Variants in C17orf107 observed in about 807,000 individuals in gnomAD.
The protein encoded by C17orf107 is chromosome 17 open reading frame 107.
Under a neutral mutation model 8.9 loss-of-function variants are expected in C17orf107, and 9 were observed. The observed-to-expected ratio is 1.02, with a 90% CI of 0.61 to 1.77. The LOEUF is 1.77. Ranked by LOEUF, C17orf107 falls within the 40% of genes most tolerant of loss-of-function variation. The pLI is 0.00. For synonymous variants in C17orf107, 139 were observed against 120.3 expected (o/e 1.16, Z -1.02); for missense variants, 281 against 249.0 (o/e 1.13, Z -0.86).
At position 4,901,841 on chromosome 17, in the gene C17orf107, C is replaced by G; in HGVS notation, c.*1308C>G. 1.9e-6 allele frequency: 3 copies of G among 1,576,836 alleles called. No individual in the cohort carries two copies. Among genetic ancestry groups the G allele is most frequent in the Non-Finnish European group, 2.6e-6 (3 of 1,152,538 alleles). On this transcript the variant is annotated 3_prime_UTR_variant, in exon 3 of 3. Transcript: ENST00000381365. ...CTGGCTCCGCCTCCAGCGCGAAGCCCCGCCCCGAGGGCGGTGCTTCCCGGT... is the reference window on the plus strand; with the variant it reads ...CTGGCTCCGCCTCCAGCGCGAAGCCGCGCCCCGAGGGCGGTGCTTCCCGGT...
At position 4,901,202 on chromosome 17, in the gene C17orf107, G is replaced by A. The variant is rs767412498; in HGVS notation, c.*669G>A. ...CCACTCGCCGTTCTCTGCGGGACGG[G>A]GGCACGGTCAGCTGGCTGTCAGAGC... On this transcript the variant is annotated 3_prime_UTR_variant, in exon 3 of 3. Transcript: ENST00000381365. 5 of 1,599,278 alleles carry A rather than the reference G, an allele frequency of 3.1e-6. No individual in the cohort carries two copies. The highest frequency in any genetic ancestry group is 1.7e-4 in the Middle Eastern group (1 of 6,052).
At position 4,901,887 on chromosome 17, in the gene C17orf107, C is replaced by G; in HGVS notation, c.*1354C>G. On this transcript the variant is annotated 3_prime_UTR_variant, in exon 3 of 3. Coordinates refer to ENST00000381365, the MANE Select transcript of C17orf107 (RefSeq NM_001145536.2). ...CCGGTTGGCCCCGCCCCATAAGGCC[C>G]CCCCCCAACAATAATCGTCCGGGCC... The G allele has an allele frequency of 6.3e-7, 1 of 1,593,444 alleles. No individual in the cohort carries two copies. Among genetic ancestry groups the G allele is most frequent in the Non-Finnish European group, 8.6e-7 (1 of 1,163,680 alleles).
At position 4,900,265 on chromosome 17, in the gene C17orf107, C is replaced by G. The variant is rs549786886; in HGVS notation, c.305C>G (p.Ala102Gly). ...EISALWLQQE[A>G]RRLDGSAGPA... ...TCAGCCCTGTGGCTGCAGCAGGAGG[C>G]GCGGCGACTAGACGGCAGCGCGGGC... Residue 102 changes from alanine to glycine, a missense_variant, in exon 3 of 3, where the codon GCG becomes GGG. Coordinates refer to ENST00000381365, the MANE Select transcript of C17orf107 (RefSeq NM_001145536.2). 7.8e-6 allele frequency: 12 copies of G among 1,546,092 alleles called. No individual in the cohort carries two copies. The East Asian group carries it at 2.9e-4, about 38-fold the overall frequency.
rs775450017 is a variant in C17orf107 at position 4,901,889 on chromosome 17, C to T, written c.*1356C>T. 5.6e-6 allele frequency: 9 copies of T among 1,601,994 alleles called. No homozygotes were observed. The highest frequency in any genetic ancestry group is 5.0e-5 in the Admixed American group (3 of 59,958). On this transcript the variant is annotated 3_prime_UTR_variant, in exon 3 of 3. Transcript: ENST00000381365. ...GGTTGGCCCCGCCCCATAAGGCCCC[C>T]CCCCAACAATAATCGTCCGGGCCTC...
Position 4,900,797 on chromosome 17 carries a change from C to A in C17orf107, c.*264C>A. ...CCGCGGGGGCTCCGGCTTCACCTGC[C>A]CAGGAGCGGCACGCTCAGAGAAGTC... On this transcript the variant is annotated 3_prime_UTR_variant, in exon 3 of 3. Transcript: ENST00000381365. 1 of 1,613,590 alleles carries A rather than the reference C, an allele frequency of 6.2e-7. No individual in the cohort carries two copies. The highest frequency in any genetic ancestry group is 8.5e-7 in the Non-Finnish European group (1 of 1,179,730).
At position 4,902,776 on chromosome 17, in the gene C17orf107, CAAG is replaced by C; in HGVS notation, c.*2247_*2249del. On this transcript the variant is annotated 3_prime_UTR_variant, in exon 3 of 3. Transcript: ENST00000381365. The surrounding 1 kb of genome is among the most constrained non-coding windows in gnomAD (Gnocchi z 4.0). ...CCCACACCCCTGCCTGCGATGGGGTCAAGAAGGAAGGGTCATTGGCAATGAAGA... is the reference window on the plus strand; with the variant it reads ...CCCACACCCCTGCCTGCGATGGGGTCAAGGAAGGGTCATTGGCAATGAAGA... 6.2e-7 allele frequency: 1 copy of C among 1,614,022 alleles called. No individual in the cohort carries two copies. The highest frequency in any genetic ancestry group is 1.1e-5 in the South Asian group (1 of 91,060).
chr17:4,903,652 G>T (rs1421698320), downstream of C17orf107, among the ~76,000 whole-genome samples: 1 of 152,032 alleles, frequency 6.6e-6, no homozygotes, highest in African/African-American at 2.4e-5. Flanking sequence ...TCATGTAAAG[G>T]ACCCACCTCC....
In C17orf107 at chr17:4,900,708, C is replaced by G. The variant is rs547550204; in HGVS notation, c.*175C>G. 1 of 1,484,238 alleles carries G rather than the reference C, an allele frequency of 6.7e-7. No individual in the cohort carries two copies. The highest frequency in any genetic ancestry group is 2.0e-5 in the Admixed American group (1 of 51,054). 91.9% of individuals were successfully genotyped at this position (1,484,238 alleles called of 1,614,324 possible). A position where few individuals can be genotyped will look rare whatever the true frequency, so the allele number is the denominator to read the frequency against. On this transcript the variant is annotated 3_prime_UTR_variant, in exon 3 of 3. Coordinates refer to ENST00000381365, the MANE Select transcript of C17orf107 (RefSeq NM_001145536.2). ...TAAAGCCCAGGGCGGGGCGAGACAG[C>G]CAGAGCTTTTCCCGGGGTCTCTGGG... is the stretch of plus-strand genomic sequence containing the variant.
rs922811931 is a variant in C17orf107, at chr17:4,900,394, G to A, written c.434G>A (p.Arg145Gln). 4 of 1,550,330 alleles carry A rather than the reference G, an allele frequency of 2.6e-6. No homozygotes were observed. The highest frequency in any genetic ancestry group is 3.5e-6 in the Non-Finnish European group (4 of 1,146,776). ...QAGAAVGASA[R>Q]LLVQGAWLCL... ...GGGGCTGCGGTGGGCGCCAGCGCCCGGCTCCTAGTCCAGGGAGCATGGCTA... is the reference window on the plus strand; with the variant it reads ...GGGGCTGCGGTGGGCGCCAGCGCCCAGCTCCTAGTCCAGGGAGCATGGCTA... The change falls in exon 3 of 3, where the codon CGG (arginine) becomes CAG (glutamine). Residue 145 changes from arginine to glutamine, a missense_variant. Arg to Gln is a conservative substitution (Grantham distance 43). Coordinates refer to ENST00000381365, the MANE Select transcript of C17orf107 (RefSeq NM_001145536.2).
chr17:4,900,111 C>A lies in C17orf107; in HGVS notation c.242C>A (p.Ala81Asp). Residue 81 changes from alanine to aspartate, a missense_variant, in exon 2 of 3, where the codon GCC becomes GAC. Physicochemically the swap from Ala to Asp is moderately radical, Grantham distance 126. Coordinates refer to ENST00000381365, the MANE Select transcript of C17orf107 (RefSeq NM_001145536.2). ...GGGCTGGTGTTGAGAGAAGCCACAGCCAGCCTCGTGAGCTTCGGCACCACC... is the reference window on the plus strand; with the variant it reads ...GGGCTGGTGTTGAGAGAAGCCACAGACAGCCTCGTGAGCTTCGGCACCACC... ...TLGLVLREAT[A>D]SLVSFGTTLL... 6.4e-7 allele frequency: 1 copy of A among 1,550,832 alleles called. No homozygotes were observed. Among genetic ancestry groups the A allele is most frequent in the Non-Finnish European group, 8.7e-7 (1 of 1,146,970 alleles).
At position 4,901,840 on chromosome 17, in the gene C17orf107, C is replaced by A; in HGVS notation, c.*1307C>A. ...CCTGGCTCCGCCTCCAGCGCGAAGC[C>A]CCGCCCCGAGGGCGGTGCTTCCCGG... On this transcript the variant is annotated 3_prime_UTR_variant, in exon 3 of 3. Transcript: ENST00000381365. The A allele has an allele frequency of 1.9e-6, 3 of 1,566,276 alleles. No homozygotes were observed. Among genetic ancestry groups the A allele is most frequent in the African/African-American group, 1.4e-5 (1 of 73,838 alleles).
chr17:4,904,737 C>T (rs911364273), downstream of C17orf107, among the ~76,000 whole-genome samples: 9 of 152,170 alleles, frequency 5.9e-5, no homozygotes, highest in East Asian at 3.8e-4. Context: ...AAAACACTTT[C>T]GGGTCCATCA....
chr17:4,900,156 G>T lies in C17orf107; in HGVS notation c.276+11G>T. On this transcript the variant is annotated intron_variant, in intron 2 of 2. Coordinates refer to ENST00000381365, the MANE Select transcript of C17orf107 (RefSeq NM_001145536.2). ...ACCACCTTGTTAGAGGTGGGGTACT[G>T]GGGGGCTTAGGATACGCGGCGATCG... 6.5e-7 allele frequency: 1 copy of T among 1,548,352 alleles called. No homozygotes were observed.
downstream of C17orf107, chr17:4,903,133 G>A (rs2302315): frequency 0.09 from 135,677 of 1,511,588 alleles, 6,380 homozygotes; most frequent in African/African-American, 0.12. Flanking sequence ...GGGTGCCTGT[G>A]TGAGGGGGAG....
In C17orf107 at chr17:4,900,467, G is replaced by GTCC; in HGVS notation, c.509_510insCTC (p.Ser170dup). ...AGGGGTCTGCCTCATTCCTGCGACA[G>GTCC]TCGCAACAGCAGCTAGGCCTCGGAA... is the stretch of plus-strand genomic sequence containing the variant. On this transcript the variant is annotated inframe_insertion, in exon 3 of 3. Coordinates refer to ENST00000381365, the MANE Select transcript of C17orf107 (RefSeq NM_001145536.2). 6.4e-7 allele frequency: 1 copy of GTCC among 1,551,138 alleles called. No homozygotes were observed. The highest frequency in any genetic ancestry group is 2.0e-5 in the Admixed American group (1 of 51,018).
chr17:4,905,075 T>C (rs1386731986), downstream of C17orf107, among the ~76,000 whole-genome samples: 1 of 152,224 alleles, frequency 6.6e-6, no homozygotes, highest in Non-Finnish European at 1.5e-5. Flanking sequence ...AGTGGACACC[T>C]ACAAAGTTCC....
rs1970023544 is a variant in C17orf107, at chr17:4,902,433, C to T, written c.*1900C>T. The T allele has an allele frequency of 6.2e-7, 1 of 1,614,190 alleles. No individual in the cohort carries two copies. Among genetic ancestry groups the T allele is most frequent in the African/African-American group, 1.3e-5 (1 of 75,044 alleles). On this transcript the variant is annotated 3_prime_UTR_variant, in exon 3 of 3. Transcript: ENST00000381365. This position sits in a 1 kb window ranked among gnomAD's most constrained non-coding sequence, Gnocchi z 4.0. Reference sequence around the variant, plus strand: ...GCCCTGGACAAGACCTCACACCATTCCCCAGATTTGACTCACGATTCCAAT... The same window carrying T: ...GCCCTGGACAAGACCTCACACCATTTCCCAGATTTGACTCACGATTCCAAT...
chr17:4,902,456 A>C lies in C17orf107; in HGVS notation c.*1923A>C, dbSNP rs771019646. 4 of 1,614,216 alleles carry C rather than the reference A, an allele frequency of 2.5e-6. No homozygotes were observed. Among genetic ancestry groups the C allele is most frequent in the Middle Eastern group, 1.6e-4 (1 of 6,062 alleles). On this transcript the variant is annotated 3_prime_UTR_variant, in exon 3 of 3. Transcript: ENST00000381365. This position sits in a 1 kb window ranked among gnomAD's most constrained non-coding sequence, Gnocchi z 4.0. ...TTCCCCAGATTTGACTCACGATTCC[A>C]ATCCAGACGCTAGTGGTGAGAGTCT...
Position 4,901,142 on chromosome 17 carries a change from T to C in C17orf107, c.*609T>C, listed in dbSNP as rs755943507. The C allele has an allele frequency of 6.2e-7, 1 of 1,611,414 alleles. No individual in the cohort carries two copies. The highest frequency in any genetic ancestry group is 8.5e-7 in the Non-Finnish European group (1 of 1,179,848). ...TGGGCCGTCGGTGGCGCCACCGTGGTGGCGGCGGATCACCCCCGGGCAGAA... is the reference window on the plus strand; with the variant it reads ...TGGGCCGTCGGTGGCGCCACCGTGGCGGCGGCGGATCACCCCCGGGCAGAA... On this transcript the variant is annotated 3_prime_UTR_variant, in exon 3 of 3. Transcript: ENST00000381365.
Sources: allele counts gnomAD v4.1 joint callset (sites outside exome capture counted in the v4.1 genomes callset), GRCh38; gene constraint gnomAD v4.1.1; non-coding constraint Gnocchi (gnomAD v3.1); transcripts MANE v1.5; gene names NCBI Gene and HGNC (gene_info 2026-07-23, HGNC 2026-07-21).